Variants in KCNMA1 observed in about 807,000 individuals in gnomAD.
KCNMA1 encodes potassium calcium-activated channel subfamily M alpha 1, also known as Calcium-activated potassium channel subunit alpha-1.
A neutral mutation model predicts 140.0 loss-of-function variants in KCNMA1; 29 were observed. That is an observed-to-expected ratio of 0.21 (90% CI 0.15 to 0.28). KCNMA1 has a LOEUF of 0.28. Ranked by LOEUF, KCNMA1 falls within the 10% of genes least tolerant of loss-of-function variation. The pLI, the probability that KCNMA1 is intolerant of heterozygous loss-of-function variation, is 1.00. For missense variants in KCNMA1, 880 were observed against 1,602.2 expected (o/e 0.55, Z 7.70); for synonymous variants, 612 against 611.9 (o/e 1.00, Z 0.00).
At chr10:77,183,247 C>T (rs2098817106) in intron 5 of KCNMA1, among the ~76,000 whole-genome samples, 174 bp downstream of exon 5, 1 of 152,194 alleles carries the variant, frequency 6.6e-6, no homozygotes, top group South Asian at 2.1e-4. Flanking sequence ...CCCTTTGGGG[C>T]TAGTGCTCCA....
intron 3 of KCNMA1, among the ~76,000 whole-genome samples, chr10:77,230,809 C>A (rs900704104): frequency 1.3e-5 from 2 of 152,138 alleles, no homozygotes; most frequent in African/African-American, 4.8e-5. Context: ...TGGCTTCCTA[C>A]TTTTATGTGA....
chr10:77,600,663 G>A (rs1053317045), intron 1 of KCNMA1, among the ~76,000 whole-genome samples: 3 of 152,070 alleles, frequency 2.0e-5, no homozygotes, highest in African/African-American at 7.2e-5. Context: ...CAGGAGAATC[G>A]CTTGAACCCA....
chr10:77,021,891 T>C (rs1474896385), intron 16 of KCNMA1, among the ~76,000 whole-genome samples: 1 of 152,250 alleles, frequency 6.6e-6, no homozygotes, highest in Non-Finnish European at 1.5e-5. Flanking sequence ...AAGATGCTCT[T>C]GGCGCTGAAG....
At chr10:77,357,541 C>T (rs158206) in intron 2 of KCNMA1, among the ~76,000 whole-genome samples, 32,131 of 152,198 alleles carry the variant, frequency 0.21, 3,612 homozygotes, top group Admixed American at 0.26. Context: ...CCTGGTTCCT[C>T]TCTAGCTGAA....
At position 77,108,350 on chromosome 10, in the gene KCNMA1, T is replaced by C; in HGVS notation, c.1223+131A>G. 6.3e-7 allele frequency: 1 copy of C among 1,585,312 alleles called. No individual in the cohort carries two copies. The highest frequency in any genetic ancestry group is 8.5e-7 in the Non-Finnish European group (1 of 1,172,496). On this transcript the variant is annotated intron_variant, in intron 9 of 27. Coordinates refer to ENST00000286628, the MANE Select transcript of KCNMA1 (RefSeq NM_001161352.2). This position sits in a 1 kb window ranked among gnomAD's most constrained non-coding sequence, Gnocchi z 4.6. The stretch of plus-strand genomic sequence containing the variant: ...TTCCGACTCAGGATGAGAGCAGCAA[T>C]TTCGGGCACGTAGCGGGCAAACATT...
intron 9 of KCNMA1, among the ~76,000 whole-genome samples, chr10:77,104,026 G>A (rs1010370278): frequency 6.6e-6 from 1 of 152,224 alleles, no homozygotes; most frequent in African/African-American, 2.4e-5. Flanking sequence ...GAAGCAGGCT[G>A]TCCAGGTTCA....
rs541907126 is a variant in KCNMA1 at position 77,067,125 on chromosome 10, C to T, written c.1749+5972G>A. Among the ~76,000 whole-genome samples, 3 of 152,270 alleles carry T rather than the reference C, an allele frequency of 2.0e-5. No individual in the cohort carries two copies. The East Asian group carries it at 5.8e-4, about 29-fold the overall frequency. ...GTGTCTTTGAGGGTGGAGGGTGTTT[C>T]TGCATGAGATTAACATTTGAATTTG... On this transcript the variant is annotated intron_variant, in intron 14 of 27. Coordinates refer to ENST00000286628, the MANE Select transcript of KCNMA1 (RefSeq NM_001161352.2).
At chr10:77,382,774 A>G (rs2095434907) in intron 2 of KCNMA1, among the ~76,000 whole-genome samples, 1 of 148,730 alleles carries the variant, frequency 6.7e-6, no homozygotes, top group Non-Finnish European at 1.5e-5. Flanking sequence ...CTGAGGCAGG[A>G]GAATCACTTG....
chr10:77,288,944 A>G (rs770663301), intron 2 of KCNMA1, among the ~76,000 whole-genome samples: 27 of 152,182 alleles, frequency 1.8e-4, no homozygotes, highest in Non-Finnish European at 3.5e-4. Context: ...CTGACCACAC[A>G]ATGTGGTTGG....
intron 14 of KCNMA1, among the ~76,000 whole-genome samples, chr10:77,044,220 C>G (rs1044972866): frequency 3.9e-5 from 6 of 152,050 alleles, no homozygotes; most frequent in African/African-American, 7.2e-5. Context: ...TTATACCTAC[C>G]CAAGGGCTGA....
intron 19 of KCNMA1, among the ~76,000 whole-genome samples, chr10:76,987,049 C>G (rs2153275865): frequency 6.9e-6 from 1 of 144,522 alleles, no homozygotes. Flanking sequence ...AGGAAGATCT[C>G]TAGCCTTGAG....
At chr10:77,560,517 C>G (rs1275288060) in intron 1 of KCNMA1, among the ~76,000 whole-genome samples, 1 of 152,154 alleles carries the variant, frequency 6.6e-6, no homozygotes, top group Non-Finnish European at 1.5e-5. Context: ...GAATGTGCAG[C>G]CAGGTGAGGT....
chr10:77,564,050 G>A (rs1019758195), intron 1 of KCNMA1, among the ~76,000 whole-genome samples: 11 of 152,232 alleles, frequency 7.2e-5, no homozygotes, highest in Non-Finnish European at 1.3e-4. Flanking sequence ...ATGGCACAGT[G>A]CCAGGCAGTG....
At chr10:77,314,258 G>C (rs2080157446) in intron 2 of KCNMA1, 1 of 152,114 alleles carries the variant, frequency 6.6e-6, no homozygotes, top group Admixed American at 6.5e-5. Flanking sequence ...GGCCACATCA[G>C]GGACAAATAA....
intron 2 of KCNMA1, among the ~76,000 whole-genome samples, chr10:77,323,248 C>T (rs1283506958): frequency 6.6e-6 from 1 of 152,176 alleles, no homozygotes; most frequent in Non-Finnish European, 1.5e-5. Flanking sequence ...GGAGATGAAA[C>T]TGGTCTCCAT....
chr10:77,069,748 C>T (rs1426180065), intron 14 of KCNMA1, among the ~76,000 whole-genome samples: 1 of 152,126 alleles, frequency 6.6e-6, no homozygotes, highest in Non-Finnish European at 1.5e-5. Context: ...AGCATTGCTC[C>T]ATATTTCTTG....
In KCNMA1 at chr10:77,505,073, C is replaced by A. The variant is rs529315748; in HGVS notation, c.379-101050G>T. 2.0e-5 allele frequency among the ~76,000 whole-genome samples: 3 copies of A among 152,142 alleles called. No homozygotes were observed. In the East Asian group the frequency reaches 5.8e-4, roughly 29 times the overall value. On this transcript the variant is annotated intron_variant, in intron 1 of 27. Coordinates refer to ENST00000286628, the MANE Select transcript of KCNMA1 (RefSeq NM_001161352.2). ...GGGCCCAGAGGAGCACCAGGGTTAA[C>A]GGCTGGCGGCTGAGTCAGCAGCTCT...
chr10:77,038,355 C>A (rs2094462537), intron 15 of KCNMA1, among the ~76,000 whole-genome samples: 1 of 152,134 alleles, frequency 6.6e-6, no homozygotes, highest in African/African-American at 2.4e-5. Flanking sequence ...GAAGTGCAAG[C>A]AAATGGCTTT....
downstream of KCNMA1, chr10:76,874,535 C>T (rs1381329157): frequency 2.0e-5 from 3 of 152,100 alleles, no homozygotes; most frequent in African/African-American, 7.2e-5. Context: ...GCTCTTGCAC[C>T]CTCATATTAA....
Sources: allele counts gnomAD v4.1 joint callset (sites outside exome capture counted in the v4.1 genomes callset), GRCh38; gene constraint gnomAD v4.1.1; non-coding constraint Gnocchi (gnomAD v3.1); transcripts MANE v1.5; gene names NCBI Gene and HGNC (gene_info 2026-07-23, HGNC 2026-07-21).